Variants in BACH2 observed in about 807,000 individuals in gnomAD.
BACH2 encodes BACH transcriptional regulator 2, also known as transcription regulator protein BACH2.
Under a neutral mutation model 61.8 loss-of-function variants are expected in BACH2, and 5 were observed. The ratio of observed to expected loss-of-function variants is 0.08; its 90% CI spans 0.04 to 0.17. The LOEUF (loss-of-function observed/expected upper bound fraction) is 0.17, where lower values mean the gene tolerates loss of function less well. Among genes scored for constraint, BACH2 ranks in the 10% least tolerant of loss-of-function variants. The pLI is 1.00. For synonymous variants in BACH2, 446 were observed against 440.1 expected, an observed-to-expected ratio of 1.01 and a Z score of -0.17; for missense variants, 824 against 1,091.1, an observed-to-expected ratio of 0.76 and a Z score of 3.45.
At chr6:90,110,073 T>C (rs1278538672) in intron 4 of BACH2, among the ~76,000 whole-genome samples, 3 of 152,248 alleles carry the variant, frequency 2.0e-5, no homozygotes, top group Admixed American at 6.5e-5. Context: ...CTCTCTAGTA[T>C]CTGGCTTAAC....
intron 5 of BACH2, among the ~76,000 whole-genome samples, chr6:90,058,176 T>C (rs1413388620): frequency 6.6e-6 from 1 of 152,172 alleles, no homozygotes; most frequent in Admixed American, 6.5e-5. Context: ...AAAGAGGAAG[T>C]CAAATTGTCC....
At chr6:90,239,535 T>C (rs530410506) in intron 3 of BACH2, among the ~76,000 whole-genome samples, 2 of 152,298 alleles carry the variant, frequency 1.3e-5, no homozygotes, top group Admixed American at 1.3e-4. Context: ...TAAGGTGTTA[T>C]AGGAGGATTC....
intron 4 of BACH2, among the ~76,000 whole-genome samples, chr6:90,096,039 T>A (rs1178255333): frequency 6.6e-6 from 1 of 152,148 alleles, no homozygotes; most frequent in Admixed American, 6.5e-5. Flanking sequence ...GGAGACTACA[T>A]CCTTCTTCTG....
intron 3 of BACH2, among the ~76,000 whole-genome samples, chr6:90,223,620 C>A (rs1200287733): frequency 6.6e-6 from 1 of 152,054 alleles, no homozygotes; most frequent in South Asian, 2.1e-4. Context: ...AGGTGCACAC[C>A]ACTACACCCA....
At chr6:89,937,079 G>A (rs549640314) in intron 8 of BACH2, among the ~76,000 whole-genome samples, 10 of 152,100 alleles carry the variant, frequency 6.6e-5, no homozygotes, top group African/African-American at 2.2e-4. Context: ...GAGAAGGGGC[G>A]GGGGCACATA....
At chr6:90,080,680 T>C (rs1781687508) in intron 5 of BACH2, 1 of 875,304 alleles carries the variant, frequency 1.1e-6, no homozygotes, top group Admixed American at 6.2e-5. Flanking sequence ...ACAATTAATA[T>C]TTAAAAGTCT....
At chr6:90,085,083 T>A (rs1440186707) in intron 5 of BACH2, among the ~76,000 whole-genome samples, 1 of 152,128 alleles carries the variant, frequency 6.6e-6, no homozygotes, top group African/African-American at 2.4e-5. Flanking sequence ...GTGAGTTCCA[T>A]CCTGTGTGTT....
chr6:90,033,573 GA>G (rs1025975207), intron 5 of BACH2, among the ~76,000 whole-genome samples: 2 of 152,036 alleles, frequency 1.3e-5, no homozygotes, highest in African/African-American at 4.8e-5. Context: ...ATTTATATAG[GA>G]ACAGTCTTCT....
At chr6:90,176,913 T>G (rs1427836381) in intron 4 of BACH2, among the ~76,000 whole-genome samples, 1 of 152,166 alleles carries the variant, frequency 6.6e-6, no homozygotes, top group African/African-American at 2.4e-5. Context: ...CCAAGCCACT[T>G]AGATTGTCCT....
chr6:89,954,707 G>A (rs1209359403), intron 6 of BACH2, among the ~76,000 whole-genome samples: 3 of 151,958 alleles, frequency 2.0e-5, no homozygotes, highest in Admixed American at 6.6e-5. Context: ...GCTCAGGGAC[G>A]AGCTGATGCT....
intron 3 of BACH2, among the ~76,000 whole-genome samples, chr6:90,231,780 T>G (rs1490276952): frequency 6.6e-6 from 1 of 152,238 alleles, no homozygotes. Context: ...TCACTGTGTA[T>G]TCTAAGTCCA....
chr6:90,080,707 C>T, intron 5 of BACH2: 1 of 966,816 alleles, frequency 1.0e-6, no homozygotes, highest in Admixed American at 6.2e-5. Flanking sequence ...ACAAAATCAT[C>T]AGAATCATTA....
chr6:90,127,777 C>T (rs1783917945), intron 4 of BACH2, among the ~76,000 whole-genome samples: 1 of 152,174 alleles, frequency 6.6e-6, no homozygotes, highest in African/African-American at 2.4e-5. Context: ...TGGTGTGAGG[C>T]TCTTGCGTTT....
At chr6:89,983,817 A>T (rs759123444) in intron 6 of BACH2, among the ~76,000 whole-genome samples, 5 of 152,232 alleles carry the variant, frequency 3.3e-5, no homozygotes, top group Non-Finnish European at 7.3e-5. Context: ...ATCAAAATGG[A>T]AAACATATTC....
At chr6:90,214,814 T>G (rs1769477809) in intron 3 of BACH2, among the ~76,000 whole-genome samples, 1 of 136,654 alleles carries the variant, frequency 7.3e-6, no homozygotes, top group South Asian at 2.4e-4. Flanking sequence ...CAGGCTGGAG[T>G]GGAGTGGTGC....
chr6:90,145,704 TTATAA>T (rs1426781658), intron 4 of BACH2, among the ~76,000 whole-genome samples: 4 of 152,218 alleles, frequency 2.6e-5, no homozygotes, highest in African/African-American at 7.2e-5. Context: ...ATCATTCATA[TTATAA>T]TATGTGAACG....
intron 5 of BACH2, among the ~76,000 whole-genome samples, chr6:90,030,530 C>G (rs947964896): frequency 6.6e-6 from 1 of 152,070 alleles, no homozygotes; most frequent in African/African-American, 2.4e-5. Context: ...ATATCACCAC[C>G]GATGCCACAG....
chr6:90,054,510 G>A (rs1451050347), intron 5 of BACH2, among the ~76,000 whole-genome samples: 1 of 152,214 alleles, frequency 6.6e-6, no homozygotes, highest in Non-Finnish European at 1.5e-5. Flanking sequence ...ACAGCTCAAG[G>A]AGGCCTGCCT....
chr6:90,288,543 C>G (rs1366570292), intron 1 of BACH2, among the ~76,000 whole-genome samples: 1 of 152,088 alleles, frequency 6.6e-6, no homozygotes, highest in African/African-American at 2.4e-5. Context: ...CCAGGCAGAG[C>G]TGAGTCAGCA....
Sources: gnomAD v4.1 joint callset for allele counts (sites outside exome capture counted in the v4.1 genomes callset) on GRCh38, gnomAD v4.1.1 for gene constraint, MANE v1.5 for transcripts, NCBI Gene and HGNC (gene_info 2026-07-23, HGNC 2026-07-21) for gene names.